The following SNAP47 variants were observed in gnomAD, a reference collection of about 807,000 sequenced individuals.
The protein encoded by SNAP47 is synaptosome associated protein 47.
A neutral mutation model predicts 31.4 loss-of-function variants in SNAP47; 20 were observed. That is an observed-to-expected ratio of 0.64 (90% CI 0.45 to 0.93). The LOEUF (loss-of-function observed/expected upper bound fraction) is 0.93. Ranked by LOEUF, SNAP47 falls within the 40% of genes least tolerant of loss-of-function variation. SNAP47 has a pLI of 0.00. For synonymous variants in SNAP47, 194 were observed against 213.4 expected (o/e 0.91, Z 0.79); for missense variants, 492 against 528.5 (o/e 0.93, Z 0.68).
At chr1:227,761,102 C>T (rs1031570186) in intron 3 of SNAP47, among the ~76,000 whole-genome samples, 3 of 152,188 alleles carry the variant, frequency 2.0e-5, no homozygotes, top group Admixed American at 6.5e-5. Context: ...CGTGTCTATA[C>T]GTACAGCATG....
At chr1:227,744,631 G>A (rs755919413) in intron 1 of SNAP47, among the ~76,000 whole-genome samples, 209 of 147,636 alleles carry the variant, frequency 1.4e-3, no homozygotes, top group Non-Finnish European at 1.1e-3. Context: ...GTTAGGTGTT[G>A]TCTATGGCCA....
intron 4 of SNAP47, chr1:227,768,325 A>G (rs1663570033): frequency 1.0e-6 from 1 of 985,320 alleles, no homozygotes; most frequent in Admixed American, 6.1e-5. Flanking sequence ...GTGTCCACGC[A>G]GGGCATGGGC....
intron 3 of SNAP47, among the ~76,000 whole-genome samples, chr1:227,766,720 G>C (rs1663425779): frequency 6.6e-6 from 1 of 152,224 alleles, no homozygotes; most frequent in Non-Finnish European, 1.5e-5. Flanking sequence ...AACCACTTGG[G>C]ATGTAGGGCT....
At chr1:227,748,343 A>C in intron 2 of SNAP47, 110 bp downstream of exon 2, 2 of 1,230,756 alleles carry the variant, frequency 1.6e-6, no homozygotes, top group East Asian at 5.2e-5. Context: ...CACATCCAGC[A>C]TTCTGAGATC....
At chr1:227,734,249 A>G (rs950155748), upstream of SNAP47, 2 of 565,494 alleles carry the variant, frequency 3.5e-6, no homozygotes, top group Non-Finnish European at 6.2e-6. Flanking sequence ...GAAAGTACTG[A>G]TCATGCCTAT....
intron 3 of SNAP47, among the ~76,000 whole-genome samples, chr1:227,766,130 GGTA>G (rs1332891013): frequency 6.6e-6 from 1 of 152,186 alleles, no homozygotes; most frequent in Non-Finnish European, 1.5e-5. Flanking sequence ...TGCTGGCTGA[GGTA>G]GGAACCTGGG....
intron 4 of SNAP47, among the ~76,000 whole-genome samples, chr1:227,769,778 T>A (rs1663673500): frequency 1.3e-5 from 2 of 152,102 alleles, no homozygotes; most frequent in African/African-American, 2.4e-5. Context: ...GTTGTCCGCT[T>A]CTCTTTGCGG....
At position 227,741,319 on chromosome 1, in the gene SNAP47, G is replaced by A. The variant is rs1460718971; in HGVS notation, c.-46+5820G>A. Among the ~76,000 whole-genome samples, 1 of 152,158 alleles carries A rather than the reference G, an allele frequency of 6.6e-6. No individual in the cohort carries two copies. The highest frequency in any genetic ancestry group is 1.5e-5 in the Non-Finnish European group (1 of 68,018). On this transcript the variant is annotated intron_variant, in intron 1 of 4. Transcript: ENST00000617596. The surrounding 1 kb of genome is among the most constrained non-coding windows in gnomAD (Gnocchi z 4.2). ...CAGTCAGGTGCATGAGGAGGCTATG[G>A]CCAAGGAGAGTGGACGCAGGCACTC...
chr1:227,775,902 T>G, intron 4 of SNAP47: 1 of 1,302,888 alleles, frequency 7.7e-7, no homozygotes, highest in Middle Eastern at 2.7e-4. Context: ...AGCGGAAGCT[T>G]TTCTTCCAGA....
At chr1:227,775,500 G>A (rs1664105134) in intron 4 of SNAP47, among the ~76,000 whole-genome samples, 1 of 152,198 alleles carries the variant, frequency 6.6e-6, no homozygotes, top group African/African-American at 2.4e-5. Flanking sequence ...GAGCAGACAT[G>A]TCCCATGGGA....
chr1:227,751,242 G>A (rs368672475), intron 2 of SNAP47, among the ~76,000 whole-genome samples: 57 of 152,264 alleles, frequency 3.7e-4, no homozygotes, highest in South Asian at 1.2e-3. Flanking sequence ...GGCCTGCACC[G>A]CCACGTCTCT....
At chr1:227,757,455 T>G (rs1662766758) in intron 2 of SNAP47, among the ~76,000 whole-genome samples, 1 of 152,248 alleles carries the variant, frequency 6.6e-6, no homozygotes, top group African/African-American at 2.4e-5. Context: ...CTCATCTACC[T>G]TCATCAAAAT....
intron 4 of SNAP47, chr1:227,768,176 A>AG: frequency 1.6e-6 from 1 of 644,108 alleles, no homozygotes; most frequent in Non-Finnish European, 1.9e-6. Flanking sequence ...CCCTTGCTGA[A>AG]GGGTGTGTCC....
rs921451033 is a variant in SNAP47 at position 227,748,383 on chromosome 1, T to C, written c.497+150T>C. The C allele has an allele frequency of 5.7e-6, 5 of 872,500 alleles. No homozygotes were observed. In the African/African-American group the frequency reaches 8.5e-5, roughly 15 times the overall value. 54.0% of individuals were successfully genotyped at this position (872,500 alleles called of 1,614,324 possible). On this transcript the variant is annotated intron_variant, in intron 2 of 4. Transcript: ENST00000617596. ...CTGTGCACCTGCTGTACATGCTTAG[T>C]GGGTACGCACATTAAGATCCAGCAC...
In SNAP47 at chr1:227,780,583, A is replaced by G; in HGVS notation, c.1170A>G (p.Gln390=). The G allele has an allele frequency of 1.9e-6, 3 of 1,614,174 alleles. No homozygotes were observed. The highest frequency in any genetic ancestry group is 2.5e-6 in the Non-Finnish European group (3 of 1,180,014). ...AGGCCGAGAGTGAGCTGGAGAGACA[A>G]GACGAAGCCCTGGATGGCGTTGCAG... The part of the protein sequence containing the change: ...ALEAESELER[Q]DEALDGVAAA... The change falls in exon 5 of 5, where the codon CAA becomes CAG. Residue 390 remains glutamine, a synonymous_variant. Transcript: ENST00000617596.
chr1:227,749,144 A>C, intron 2 of SNAP47, among the ~76,000 whole-genome samples: 1 of 152,094 alleles, frequency 6.6e-6, no homozygotes, highest in South Asian at 2.1e-4. Flanking sequence ...GATATTATTA[A>C]TAGCCTTGTT....
At chr1:227,752,426 C>T (rs1001481284) in intron 2 of SNAP47, among the ~76,000 whole-genome samples, 7 of 152,060 alleles carry the variant, frequency 4.6e-5, no homozygotes, top group Admixed American at 3.3e-4. Context: ...CCGCCCCACA[C>T]CTGCCCTTCT....
intron 2 of SNAP47, among the ~76,000 whole-genome samples, chr1:227,757,448 A>G (rs763721637): frequency 3.3e-5 from 5 of 152,220 alleles, no homozygotes; most frequent in Non-Finnish European, 5.9e-5. Flanking sequence ...GTGCTCACTC[A>G]TCTACCTTCA....
chr1:227,729,747 G>A (rs1272142448), intron 1 of SNAP47, among the ~76,000 whole-genome samples: 1 of 152,186 alleles, frequency 6.6e-6, no homozygotes, highest in Non-Finnish European at 1.5e-5. Context: ...AACTTGACCT[G>A]GGGCTCCTGT....
Sources: gnomAD v4.1 joint callset for allele counts (sites outside exome capture counted in the v4.1 genomes callset) on GRCh38, gnomAD v4.1.1 for gene constraint, Gnocchi (gnomAD v3.1) non-coding constraint, MANE v1.5 for transcripts, NCBI Gene and HGNC (gene_info 2026-07-23, HGNC 2026-07-21) for gene names.